The following DNAJC6 variants were observed in gnomAD, a reference collection of about 807,000 sequenced individuals.
The protein encoded by DNAJC6 is DnaJ heat shock protein family (Hsp40) member C6.
In DNAJC6, 34 loss-of-function variants were observed where a neutral mutation model predicts 110.0. The ratio of observed to expected loss-of-function variants is 0.31; its 90% CI spans 0.24 to 0.41. The LOEUF is 0.41. Ranked by LOEUF, DNAJC6 falls within the 10% of genes least tolerant of loss-of-function variation. The pLI is 1.00. For missense variants in DNAJC6, 1,031 were observed against 1,207.8 expected, an observed-to-expected ratio of 0.85 and a Z score of 2.17; for synonymous variants, 406 against 437.2, an observed-to-expected ratio of 0.93 and a Z score of 0.89.
chr1:65,384,352 G>T (rs1177910962), intron 6 of DNAJC6, 26 bp downstream of exon 6: 3 of 1,510,062 alleles, frequency 2.0e-6, no homozygotes, highest in Non-Finnish European at 2.6e-6. Flanking sequence ...TGCAGGCTAG[G>T]CACAGATGTA....
At chr1:65,393,156 A>G (rs1313422285) in intron 12 of DNAJC6, among the ~76,000 whole-genome samples, 5 of 152,222 alleles carry the variant, frequency 3.3e-5, no homozygotes, top group African/African-American at 1.2e-4. Flanking sequence ...CTGCTTAAAC[A>G]TACTGATTGA....
In DNAJC6 at chr1:65,382,128, A is replaced by G. The variant is rs553318286; in HGVS notation, c.667-2065A>G. ...GGTAATTCAAGGCACAATTCTGAGA[A>G]AGTTTTGCACAGAAGATTTTAAACT... On this transcript the variant is annotated intron_variant, in intron 5 of 18. Transcript: ENST00000371069. 4.7e-4 allele frequency among the ~76,000 whole-genome samples: 71 copies of G among 152,320 alleles called. 1 individual carries two copies. Among genetic ancestry groups the G allele is most frequent in the African/African-American group, 1.5e-3 (64 of 41,574 alleles).
At chr1:65,370,229 G>A (rs994453738) in intron 4 of DNAJC6, among the ~76,000 whole-genome samples, 40 of 152,002 alleles carry the variant, frequency 2.6e-4, no homozygotes, top group African/African-American at 9.7e-4. Flanking sequence ...ATCTGTTTCT[G>A]CTCCTTTAAA....
At chr1:65,369,088 C>T (rs1290667682) in intron 4 of DNAJC6, among the ~76,000 whole-genome samples, 3 of 151,962 alleles carry the variant, frequency 2.0e-5, no homozygotes, top group Non-Finnish European at 4.4e-5. Context: ...TCTTTATTTG[C>T]CTAATTTTGC....
chr1:65,290,203 C>G (rs1007596050), intron 1 of DNAJC6, among the ~76,000 whole-genome samples: 1 of 152,236 alleles, frequency 6.6e-6, no homozygotes, highest in Non-Finnish European at 1.5e-5. Context: ...GCCAAATTTT[C>G]AGCTGCGTTT....
At chr1:65,319,504 G>A (rs1467899900) in intron 1 of DNAJC6, among the ~76,000 whole-genome samples, 2 of 152,164 alleles carry the variant, frequency 1.3e-5, no homozygotes, top group African/African-American at 2.4e-5. Context: ...CTTCTCACTG[G>A]GAGAGCCCTA....
intron 1 of DNAJC6, among the ~76,000 whole-genome samples, chr1:65,316,258 T>G (rs1645147669): frequency 6.6e-6 from 1 of 152,194 alleles, no homozygotes; most frequent in Non-Finnish European, 1.5e-5. Context: ...CACCTCCATC[T>G]TTATGTTTTT....
chr1:65,346,511 C>A (rs1645438238), intron 1 of DNAJC6, among the ~76,000 whole-genome samples: 1 of 152,084 alleles, frequency 6.6e-6, no homozygotes, highest in Non-Finnish European at 1.5e-5. Flanking sequence ...ATCTTCCATC[C>A]CTCTCTAACA....
intron 14 of DNAJC6, among the ~76,000 whole-genome samples, chr1:65,400,434 T>G (rs895017033): frequency 2.0e-5 from 3 of 152,176 alleles, no homozygotes; most frequent in Admixed American, 6.5e-5. Context: ...TATTCCTCCT[T>G]TCTAGCTGTA....
chr1:65,392,817 C>T lies in DNAJC6; in HGVS notation c.1855C>T (p.Arg619Cys), dbSNP rs770127313. 32 of 1,564,050 alleles carry T rather than the reference C, an allele frequency of 2.0e-5. No homozygotes were observed. Among genetic ancestry groups the T allele is most frequent in the African/African-American group, 8.2e-5 (6 of 73,282 alleles). ...TGCGTCTACCCAGTCAACACCACGC[C>T]GCTCTGCCACCTCCACCTCTGCGTC... ...GPASTQSTPR[R>C]SATSTSASPT... Residue 619 changes from arginine to cysteine, a missense_variant, in exon 12 of 19, where the codon CGC becomes TGC. Transcript: ENST00000371069.
chr1:65,365,862 G>T, intron 2 of DNAJC6, 23 bp from the exon 3 acceptor site: 1 of 1,610,160 alleles, frequency 6.2e-7, no homozygotes, highest in South Asian at 1.1e-5. Flanking sequence ...TTTAATGAGT[G>T]CCCATTTTTG....
intron 15 of DNAJC6, among the ~76,000 whole-genome samples, chr1:65,403,167 A>T (rs1168294510): frequency 2.0e-5 from 3 of 152,244 alleles, no homozygotes; most frequent in African/African-American, 4.8e-5. Context: ...TTGGGGCCTT[A>T]CTATGTGCCA....
intron 1 of DNAJC6, among the ~76,000 whole-genome samples, chr1:65,314,095 G>A (rs974888923): frequency 1.3e-5 from 2 of 151,920 alleles, no homozygotes; most frequent in Non-Finnish European, 2.9e-5. Flanking sequence ...TAAAGAATAA[G>A]TATAATGATA....
chr1:65,351,658 T>C (rs2101520524), intron 1 of DNAJC6, among the ~76,000 whole-genome samples: 1 of 152,356 alleles, frequency 6.6e-6, no homozygotes, highest in East Asian at 1.9e-4. Flanking sequence ...TTTCACCATC[T>C]TGTGTATAGA....
chr1:65,320,474 T>C (rs1308081937), intron 1 of DNAJC6, among the ~76,000 whole-genome samples: 1 of 152,214 alleles, frequency 6.6e-6, no homozygotes. Flanking sequence ...ACTTTGTCAT[T>C]TACAAGCTGT....
intron 12 of DNAJC6, 79 bp downstream of exon 12, chr1:65,392,944 C>T: frequency 2.3e-6 from 3 of 1,322,282 alleles, no homozygotes; most frequent in South Asian, 3.9e-5. Context: ...TTGAACTTTC[C>T]TAATAAGCTA....
At chr1:65,372,064 G>T (rs1438884729) in intron 4 of DNAJC6, among the ~76,000 whole-genome samples, 1 of 151,794 alleles carries the variant, frequency 6.6e-6, no homozygotes, top group Non-Finnish European at 1.5e-5. Flanking sequence ...TTGAGTTAAT[G>T]ATTCTGGAGC....
intron 1 of DNAJC6, among the ~76,000 whole-genome samples, chr1:65,265,749 C>G (rs1653296050): frequency 1.3e-5 from 2 of 152,200 alleles, no homozygotes; most frequent in East Asian, 3.9e-4. Context: ...ACGTGTTCCC[C>G]GATCCCGTTT....
At chr1:65,304,720 G>T (rs1308910321), upstream of DNAJC6, among the ~76,000 whole-genome samples, 1 of 152,096 alleles carries the variant, frequency 6.6e-6, no homozygotes, top group Non-Finnish European at 1.5e-5. Flanking sequence ...CTCTCTTGGG[G>T]GTATTTCTCC....
Sources: gnomAD v4.1 joint callset for allele counts (sites outside exome capture counted in the v4.1 genomes callset) on GRCh38, gnomAD v4.1.1 for gene constraint, MANE v1.5 for transcripts, NCBI Gene and HGNC (gene_info 2026-07-23, HGNC 2026-07-21) for gene names.